Variants in CNOT4 observed in about 807,000 individuals in gnomAD.
CNOT4 encodes CCR4-associated factor 4.
Under a neutral mutation model 73.8 loss-of-function variants are expected in CNOT4, and 8 were observed. The observed-to-expected ratio is 0.11, with a 90% CI of 0.06 to 0.20. The LOEUF (loss-of-function observed/expected upper bound fraction) is 0.20. Among genes scored for constraint, CNOT4 ranks in the 10% least tolerant of loss-of-function variants. The pLI is 1.00. For missense variants in CNOT4, 564 were observed against 883.4 expected (o/e 0.64, Z 4.58); for synonymous variants, 293 against 321.1 (o/e 0.91, Z 0.94).
rs920703794 is a variant in CNOT4 at position 135,444,866 on chromosome 7, G to A, written c.-92-6443C>T. 27 of 1,600,710 alleles carry A rather than the reference G, an allele frequency of 1.7e-5. No homozygotes were observed. In the African/African-American group the frequency reaches 2.9e-4, roughly 17 times the overall value. Reference sequence around the variant, plus strand: ...CACTTTCAGCTTTAACCTTTGCTGGGCTTTGCTATTTCAACTATCACGATG... The same window carrying A: ...CACTTTCAGCTTTAACCTTTGCTGGACTTTGCTATTTCAACTATCACGATG... On this transcript the variant is annotated intron_variant, in intron 1 of 11. Coordinates refer to ENST00000541284, the MANE Select transcript of CNOT4 (RefSeq NM_001190850.2).
intron 10 of CNOT4, among the ~76,000 whole-genome samples, chr7:135,369,077 T>A (rs1795060250): frequency 6.6e-6 from 1 of 152,178 alleles, no homozygotes; most frequent in Non-Finnish European, 1.5e-5. Flanking sequence ...GGGCGCAGGG[T>A]ACCAGGACAA....
At chr7:135,485,719 AAGCGGG>A (rs1478746883) in intron 1 of CNOT4, among the ~76,000 whole-genome samples, 1 of 152,184 alleles carries the variant, frequency 6.6e-6, no homozygotes, top group Non-Finnish European at 1.5e-5. Context: ...GGGGGAAGGG[AAGCGGG>A]ACAAGAAGGG....
At position 135,364,825 on chromosome 7, in the gene CNOT4, G is replaced by GAA. The variant is rs552571766; in HGVS notation, c.1628-761_1628-760dup. Among the ~76,000 whole-genome samples, 61 of 152,278 alleles carry GAA rather than the reference G, an allele frequency of 4.0e-4. No homozygotes were observed. Among genetic ancestry groups the GAA allele is most frequent in the African/African-American group, 1.4e-3 (57 of 41,550 alleles). ...AACATGAGAAGACACTAGCAACATA[G>GAA]AAAAGGCTTTTTATAAATTGTGACT... On this transcript the variant is annotated intron_variant, in intron 10 of 11. Transcript: ENST00000541284. This position sits in a 1 kb window ranked among gnomAD's most constrained non-coding sequence, Gnocchi z 4.3.
At chr7:135,401,371 T>C (rs1026850807) in intron 7 of CNOT4, among the ~76,000 whole-genome samples, 2 of 152,220 alleles carry the variant, frequency 1.3e-5, no homozygotes, top group African/African-American at 2.4e-5. Context: ...ACATGGACTA[T>C]TCCCTGGTCA....
chr7:135,471,967 G>A (rs2129486754), intron 1 of CNOT4, among the ~76,000 whole-genome samples: 1 of 151,564 alleles, frequency 6.6e-6, no homozygotes, highest in Non-Finnish European at 1.5e-5. Context: ...GAGCTCAGGA[G>A]TTCCAGACCT....
At chr7:135,485,479 T>C (rs1212433761) in intron 1 of CNOT4, among the ~76,000 whole-genome samples, 1 of 152,140 alleles carries the variant, frequency 6.6e-6, no homozygotes, top group Non-Finnish European at 1.5e-5. Flanking sequence ...AGTAGAATTA[T>C]GCCTCCCGAT....
intron 1 of CNOT4, among the ~76,000 whole-genome samples, chr7:135,477,928 A>G (rs1802097895): frequency 6.6e-6 from 1 of 151,994 alleles, no homozygotes; most frequent in Admixed American, 6.6e-5. Context: ...TGAATACACT[A>G]TATGTACTTC....
intron 2 of CNOT4, 33 bp downstream of exon 2, chr7:135,438,120 TAAAAC>T: frequency 1.3e-5 from 16 of 1,241,840 alleles, no homozygotes; most frequent in South Asian, 2.5e-5. Flanking sequence ...ACTATACAAT[TAAAAC>T]AAATCACTGT....
rs572588643 is a variant in CNOT4 at position 135,487,783 on chromosome 7, G to A, written c.-93+22106C>T. Reference sequence around the variant, plus strand: ...TTTTCGAGCACAGAGGCCAGGCACGGTGGCTTACGCCTGTGGTCCCAGCAC... The same window carrying A: ...TTTTCGAGCACAGAGGCCAGGCACGATGGCTTACGCCTGTGGTCCCAGCAC... On this transcript the variant is annotated intron_variant, in intron 1 of 11. Coordinates refer to ENST00000541284, the MANE Select transcript of CNOT4 (RefSeq NM_001190850.2). Among the ~76,000 whole-genome samples, 192 of 152,340 alleles carry A rather than the reference G, an allele frequency of 1.3e-3. 1 individual carries two copies. The highest frequency in any genetic ancestry group is 4.6e-3 in the African/African-American group (190 of 41,576).
chr7:135,436,390 G>A (rs1342211996), intron 2 of CNOT4, among the ~76,000 whole-genome samples: 2 of 151,444 alleles, frequency 1.3e-5, no homozygotes, highest in Non-Finnish European at 2.9e-5. Flanking sequence ...ACATCATGAA[G>A]CCAATCAAAT....
chr7:135,421,979 T>C (rs1464084792), intron 3 of CNOT4, among the ~76,000 whole-genome samples, 177 bp downstream of exon 3: 1 of 152,220 alleles, frequency 6.6e-6, no homozygotes, highest in African/African-American at 2.4e-5. Context: ...GACACTTGCC[T>C]AAGATCACGA....
At chr7:135,420,047 C>CA (rs201467115) in intron 3 of CNOT4, among the ~76,000 whole-genome samples, 134,303 of 151,952 alleles carry the variant, frequency 0.88, 59,548 homozygotes, top group East Asian at 0.94. Flanking sequence ...CAAACAACAA[C>CA]AAAAACCCTC....
intron 10 of CNOT4, among the ~76,000 whole-genome samples, chr7:135,367,997 A>G (rs796267915): frequency 2.6e-5 from 4 of 152,280 alleles, no homozygotes; most frequent in African/African-American, 9.6e-5. Flanking sequence ...GAATATAAAT[A>G]TGTACAACAA....
chr7:135,484,172 G>T (rs1341118298), intron 1 of CNOT4, among the ~76,000 whole-genome samples: 1 of 152,102 alleles, frequency 6.6e-6, no homozygotes, highest in East Asian at 1.9e-4. Flanking sequence ...TCTAGCCTGG[G>T]TGACAGAGTG....
intron 3 of CNOT4, 118 bp downstream of exon 3, chr7:135,422,038 T>G: frequency 1.6e-6 from 1 of 631,812 alleles, no homozygotes; most frequent in South Asian, 2.1e-5. Context: ...TCTTATTTTC[T>G]CCTTCAAGAT....
At position 135,363,305 on chromosome 7, in the gene CNOT4, C is replaced by T. The variant is rs115750083; in HGVS notation, c.1841-119G>A. The T allele has an allele frequency of 2.5e-4, 226 of 908,354 alleles. 1 individual carries two copies. In the African/African-American group the frequency reaches 3.4e-3, roughly 14 times the overall value. 56.3% of individuals were successfully genotyped at this position (908,354 alleles called of 1,614,324 possible). Reference sequence around the variant, plus strand: ...AGACAGAAGAGATTACAATTTTAAACTCCTTCCAAATAAGACCTTTTAAAC... The same window carrying T: ...AGACAGAAGAGATTACAATTTTAAATTCCTTCCAAATAAGACCTTTTAAAC... On this transcript the variant is annotated intron_variant, in intron 11 of 11. Coordinates refer to ENST00000541284, the MANE Select transcript of CNOT4 (RefSeq NM_001190850.2). The surrounding 1 kb of genome is among the most constrained non-coding windows in gnomAD (Gnocchi z 4.3).
chr7:135,417,623 G>C (rs567795987), intron 3 of CNOT4, among the ~76,000 whole-genome samples: 1 of 152,266 alleles, frequency 6.6e-6, no homozygotes, highest in Admixed American at 6.5e-5. Context: ...TCACACTGCA[G>C]CCAGAATGGT....
intron 1 of CNOT4, among the ~76,000 whole-genome samples, chr7:135,443,644 T>C (rs539689159): frequency 2.0e-4 from 30 of 152,314 alleles, no homozygotes; most frequent in African/African-American, 6.3e-4. Context: ...ACCTTATTAC[T>C]TGAGTTCTTG....
rs1004109325 is a variant in CNOT4 at position 135,425,050 on chromosome 7, G to A, written c.175-2697C>T. ...CCCAACATTCAGGTCCATCACCAGT[G>A]GACTCTGCAGAATAAGATATTTTTC... On this transcript the variant is annotated intron_variant, in intron 2 of 11. Coordinates refer to ENST00000541284, the MANE Select transcript of CNOT4 (RefSeq NM_001190850.2). Among the ~76,000 whole-genome samples, 7 of 152,200 alleles carry A rather than the reference G, an allele frequency of 4.6e-5. 1 individual carries two copies. The highest frequency in any genetic ancestry group is 1.0e-4 in the Non-Finnish European group (7 of 68,000).
Sources: gnomAD v4.1 joint callset for allele counts (sites outside exome capture counted in the v4.1 genomes callset) on GRCh38, gnomAD v4.1.1 for gene constraint, Gnocchi (gnomAD v3.1) non-coding constraint, MANE v1.5 for transcripts, NCBI Gene and HGNC (gene_info 2026-07-23, HGNC 2026-07-21) for gene names.